The following TMEM67 variants were observed in gnomAD, a reference collection of about 807,000 sequenced individuals.
The protein encoded by TMEM67 is meckelin.
Under a neutral mutation model 136.6 loss-of-function variants are expected in TMEM67, and 124 were observed. That is an observed-to-expected ratio of 0.91 (90% CI 0.78 to 1.05). TMEM67 has a LOEUF of 1.05. TMEM67 is among the 50% of genes least tolerant of loss of function. TMEM67 has a pLI of 0.00. For missense variants in TMEM67, 1,107 were observed against 1,178.4 expected, an observed-to-expected ratio of 0.94 and a Z score of 0.89; for synonymous variants, 364 against 390.5, an observed-to-expected ratio of 0.93 and a Z score of 0.80.
At chr8:93,758,337 C>T in intron 2 of TMEM67, 146 bp from the exon 3 acceptor site, 1 of 623,694 alleles carries the variant, frequency 1.6e-6, no homozygotes, top group Non-Finnish European at 2.8e-6. Flanking sequence ...AATTATCTCT[C>T]CAGGGAATTT....
chr8:93,760,040 C>T (rs992145062), intron 3 of TMEM67: 5 of 1,371,346 alleles, frequency 3.6e-6, no homozygotes, highest in Admixed American at 2.6e-5. Flanking sequence ...AGTGAAAATG[C>T]ATTCTTTATT....
chr8:93,803,494 C>G, intron 21 of TMEM67, 110 bp from the exon 22 acceptor site: 1 of 678,292 alleles, frequency 1.5e-6, no homozygotes, highest in Admixed American at 2.2e-5. Flanking sequence ...CTGTTAAAGG[C>G]CACTGTGCTT....
chr8:93,793,623 G>A (rs138538928), intron 16 of TMEM67, among the ~76,000 whole-genome samples: 1 of 152,086 alleles, frequency 6.6e-6, no homozygotes, highest in Non-Finnish European at 1.5e-5. Context: ...TCATTTCTCT[G>A]TACTCTTCAT....
At chr8:93,782,557 AT>A in intron 11 of TMEM67, 97 bp downstream of exon 11, 2 of 823,738 alleles carry the variant, frequency 2.4e-6, no homozygotes, top group Non-Finnish European at 3.8e-6. Flanking sequence ...GAGATTGGAA[AT>A]TTTTTATTCT....
At chr8:93,782,571 G>GTTTT (rs1238113432) in intron 11 of TMEM67, 111 bp downstream of exon 11, 38 of 463,846 alleles carry the variant, frequency 8.2e-5, no homozygotes, top group Admixed American at 1.1e-4. Flanking sequence ...TTTATTCTTG[G>GTTTT]TTTTTTTTTT....
rs755886577 is a variant in TMEM67, at chr8:93,785,291, T to C, written c.1201T>C (p.Tyr401His). The C allele has an allele frequency of 6.9e-6, 11 of 1,603,818 alleles. No homozygotes were observed. Among genetic ancestry groups the C allele is most frequent in the Non-Finnish European group, 1.7e-6 (2 of 1,171,220 alleles). The part of the protein sequence containing the change: ...TPIFYDVYLE[Y>H]TDENQHQYIL... ...TATATTTTATGATGTGTACCTTGAATATACTGATGAAAATCAACATCAATA... is the reference window on the plus strand; with the variant it reads ...TATATTTTATGATGTGTACCTTGAACATACTGATGAAAATCAACATCAATA... Residue 401 changes from tyrosine (Y) to histidine (H), a missense_variant, in exon 12 of 28, where the codon TAT becomes CAT. Tyr to His is a moderately conservative substitution (Grantham distance 83). Transcript: ENST00000453321.
rs973374114 is a variant in TMEM67 at position 93,795,474 on chromosome 8, G to A, written c.1740G>A (p.Val580=). The A allele has an allele frequency of 6.2e-7, 1 of 1,613,968 alleles. No individual in the cohort carries two copies. Among genetic ancestry groups the A allele is most frequent in the Non-Finnish European group, 8.5e-7 (1 of 1,179,956 alleles). The change falls in exon 17 of 28, where the codon GTG becomes GTA. Residue 580 remains valine, a synonymous_variant. Coordinates refer to ENST00000453321, the MANE Select transcript of TMEM67 (RefSeq NM_153704.6). ...CCAATGTTTTCTTTATCATCACAGT[G>A]GGAACAGGTCTTTACTGGCTTATTT... ...DLANVFFIIT[V]GTGLYWLIFF...
At position 93,759,920 on chromosome 8, in the gene TMEM67, A is replaced by AT. The variant is rs57673542; in HGVS notation, c.406+1345dup. Reference sequence around the variant, plus strand: ...TGCCTCAGCCTCCCAAAGTGCTGGGATACAGGCTTGAGCCACCGCACCTGA... The same window carrying AT: ...TGCCTCAGCCTCCCAAAGTGCTGGGATTACAGGCTTGAGCCACCGCACCTGA... On this transcript the variant is annotated intron_variant, in intron 3 of 27. Coordinates refer to ENST00000453321, the MANE Select transcript of TMEM67 (RefSeq NM_153704.6). 3.1e-3 allele frequency: 4,662 copies of AT among 1,514,986 alleles called. 127 individuals are homozygous for AT. The African/African-American group carries it at 0.056, about 18-fold the overall frequency. 93.8% of individuals were successfully genotyped at this position (1,514,986 alleles called of 1,614,324 possible). A position where few individuals can be genotyped will look rare whatever the true frequency, so the allele number is the denominator to read the frequency against.
chr8:93,783,282 G>A lies in TMEM67; in HGVS notation c.1131+822G>A, dbSNP rs143262421. The stretch of plus-strand genomic sequence containing the variant: ...ATTACAGGTGTGAGCCACCTCGTCC[G>A]GCCTAGAGTCTTAAACATCATATAA... On this transcript the variant is annotated intron_variant, in intron 11 of 27. Transcript: ENST00000453321. 5.9e-5 allele frequency among the ~76,000 whole-genome samples: 9 copies of A among 152,186 alleles called. No homozygotes were observed. In the East Asian group the frequency reaches 1.3e-3, roughly 23 times the overall value.
At chr8:93,828,103 G>A in the TMEM67 span, among the ~76,000 whole-genome samples, 1 of 152,106 alleles carries the variant, frequency 6.6e-6, no homozygotes. Context: ...TTATTGGGAA[G>A]GACAAAGCCC....
chr8:93,778,195 C>T (rs1273721625), intron 7 of TMEM67, among the ~76,000 whole-genome samples: 1 of 152,146 alleles, frequency 6.6e-6, no homozygotes, highest in Non-Finnish European at 1.5e-5. Flanking sequence ...CTTTTGCTTT[C>T]CATTTGCTTG....
In TMEM67 at chr8:93,803,590, A is replaced by G. The variant is rs1185588616; in HGVS notation, c.2242-14A>G. 1 of 1,520,730 alleles carries G rather than the reference A, an allele frequency of 6.6e-7. No individual in the cohort carries two copies. 94.2% of individuals were successfully genotyped at this position (1,520,730 alleles called of 1,614,324 possible). On this transcript the variant is annotated splice_polypyrimidine_tract_variant and intron_variant, in intron 21 of 27. Coordinates refer to ENST00000453321, the MANE Select transcript of TMEM67 (RefSeq NM_153704.6). ...CTAAAAGCTAATAAGCATAAACTTG[A>G]CTTAATGTTTCAGGTCGTGTTCTTT...
At chr8:93,825,531 A>G in the TMEM67 span, among the ~76,000 whole-genome samples, 1 of 152,160 alleles carries the variant, frequency 6.6e-6, no homozygotes, top group Non-Finnish European at 1.5e-5. Context: ...CAGGACGGTG[A>G]AGGATGCTGA....
chr8:93,765,566 A>G lies in TMEM67; in HGVS notation c.577-6A>G, dbSNP rs191516556. ...CTTCTATTTTTTCCCTCATTTATTT[A>G]TGAAGACAGGGGGATTATGTTTCAG... On this transcript the variant is annotated splice_region_variant and splice_polypyrimidine_tract_variant and intron_variant, in intron 5 of 27. Transcript: ENST00000453321. 138 of 1,611,142 alleles carry G rather than the reference A, an allele frequency of 8.6e-5. No homozygotes were observed. In the African/African-American group the frequency reaches 1.3e-3, roughly 16 times the overall value.
intron 8 of TMEM67, 29 bp downstream of exon 8, chr8:93,780,776 A>G (rs1813786466): frequency 1.2e-6 from 2 of 1,612,924 alleles, no homozygotes; most frequent in East Asian, 4.5e-5. Flanking sequence ...ATGAAATGTT[A>G]TTTTGACTGA....
intron 6 of TMEM67, among the ~76,000 whole-genome samples, chr8:93,767,863 C>CTTT (rs200241819): frequency 1.8e-5 from 2 of 109,916 alleles, no homozygotes; most frequent in Non-Finnish European, 3.6e-5. Context: ...TTTCTTTTTT[C>CTTT]TTTTTTTTTT....
intron 3 of TMEM67, among the ~76,000 whole-genome samples, chr8:93,760,173 GTC>G (rs1049014494): frequency 2.0e-5 from 3 of 152,152 alleles, no homozygotes; most frequent in Non-Finnish European, 2.9e-5. Flanking sequence ...TACAAATAGA[GTC>G]TGAAGTTTAA....
intron 20 of TMEM67, 44 bp from the exon 21 acceptor site, chr8:93,799,574 T>G: frequency 1.9e-6 from 3 of 1,608,044 alleles, no homozygotes; most frequent in Non-Finnish European, 2.6e-6. Context: ...GTAGTTTTCT[T>G]TATCCATGTC....
At chr8:93,799,461 T>C (rs1450707962) in intron 20 of TMEM67, among the ~76,000 whole-genome samples, 157 bp from the exon 21 acceptor site, 2 of 152,222 alleles carry the variant, frequency 1.3e-5, no homozygotes, top group Non-Finnish European at 2.9e-5. Context: ...GTTAAAATAC[T>C]ATATAATAAT....
Sources: allele counts gnomAD v4.1 joint callset (sites outside exome capture counted in the v4.1 genomes callset), GRCh38; gene constraint gnomAD v4.1.1; transcripts MANE v1.5; gene names NCBI Gene and HGNC (gene_info 2026-07-23, HGNC 2026-07-21).